Variants in EPHB1 observed in about 807,000 individuals in gnomAD.
EPHB1 encodes the protein EPH receptor B1.
Under a neutral mutation model 94.4 loss-of-function variants are expected in EPHB1, and 30 were observed. The ratio of observed to expected loss-of-function variants is 0.32; its 90% CI spans 0.24 to 0.43. The LOEUF is 0.43. EPHB1 is among the 20% of genes least tolerant of loss of function. The probability of loss-of-function intolerance (pLI) is 1.00; values close to 1 mark genes in which losing one functional copy is unlikely to be tolerated. For synonymous variants in EPHB1, 522 were observed against 489.1 expected (o/e 1.07, Z -0.89); for missense variants, 1,055 against 1,308.3 (o/e 0.81, Z 2.99).
intron 3 of EPHB1, among the ~76,000 whole-genome samples, chr3:134,991,057 C>T (rs1286473382): frequency 6.6e-6 from 1 of 151,980 alleles, no homozygotes; most frequent in Admixed American, 6.6e-5. Flanking sequence ...TGCTATATTT[C>T]TTTCTTGTTT....
chr3:135,202,858 A>C lies in EPHB1; in HGVS notation c.2346+1169A>C, dbSNP rs549657156. Among the ~76,000 whole-genome samples the C allele has an allele frequency of 9.8e-5, 15 of 152,320 alleles. 1 individual carries two copies. The highest frequency in any genetic ancestry group is 9.8e-4 in the Admixed American group (15 of 15,306). On this transcript the variant is annotated intron_variant, in intron 12 of 15. Coordinates refer to ENST00000398015, the MANE Select transcript of EPHB1 (RefSeq NM_004441.5). The stretch of plus-strand genomic sequence containing the variant: ...ACCAGAAATACCATTTGACCGAGCA[A>C]TCCTTTACTGGGTATATACCCAAAG...
chr3:134,908,797 C>T (rs781097060), intron 1 of EPHB1, among the ~76,000 whole-genome samples: 3 of 152,062 alleles, frequency 2.0e-5, no homozygotes, highest in Non-Finnish European at 2.9e-5. Context: ...AGGGCACCTA[C>T]AGCATGGAAG....
At chr3:135,224,981 C>G (rs1166820519) in intron 12 of EPHB1, among the ~76,000 whole-genome samples, 1 of 152,204 alleles carries the variant, frequency 6.6e-6, no homozygotes, top group Non-Finnish European at 1.5e-5. Context: ...TATTCCATCA[C>G]TCTCTGCTCT....
At chr3:134,969,513 C>A (rs567405457) in intron 3 of EPHB1, among the ~76,000 whole-genome samples, 2 of 152,138 alleles carry the variant, frequency 1.3e-5, no homozygotes, top group African/African-American at 4.8e-5. Context: ...TTCTTAGACA[C>A]GCTAGTTTCT....
At chr3:135,174,700 G>A (rs983871654) in intron 9 of EPHB1, among the ~76,000 whole-genome samples, 6 of 152,206 alleles carry the variant, frequency 3.9e-5, no homozygotes, top group African/African-American at 1.4e-4. Flanking sequence ...TGAGGCAGAA[G>A]ATTGGATGAA....
At chr3:135,248,602 T>C (rs1447402891) in intron 14 of EPHB1, 93 bp downstream of exon 14, 3 of 1,331,612 alleles carry the variant, frequency 2.3e-6, no homozygotes, top group Non-Finnish European at 3.0e-6. Flanking sequence ...GTTCGAATTT[T>C]TTAAAGAGTA....
chr3:134,857,542 G>A (rs2037149658), intron 1 of EPHB1, among the ~76,000 whole-genome samples: 1 of 152,164 alleles, frequency 6.6e-6, no homozygotes, highest in Non-Finnish European at 1.5e-5. Context: ...AGTTTGGCAT[G>A]TGCCTCTGAG....
In EPHB1 at chr3:134,951,515, C is replaced by T. The variant is rs369940994; in HGVS notation, c.268C>T (p.Arg90Cys). 30 of 1,613,630 alleles carry T rather than the reference C, an allele frequency of 1.9e-5. No individual in the cohort carries two copies. The highest frequency in any genetic ancestry group is 4.5e-5 in the East Asian group (2 of 44,860). ...GGCCCATCGCATCTACACAGAGATG[C>T]GCTTCACTGTGAGAGACTGCAGCAG... ...RGAHRIYTEM[R>C]FTVRDCSSLP... The change falls in exon 3 of 16, where the codon CGC becomes TGC. Residue 90 changes from arginine (R) to cysteine (C), a missense_variant. Arg to Cys is a radical substitution (Grantham distance 180, BLOSUM62 -3). Transcript: ENST00000398015. This position sits in a 1 kb window ranked among gnomAD's most constrained non-coding sequence, Gnocchi z 4.5.
At chr3:135,180,246 A>G (rs1396632346) in intron 10 of EPHB1, among the ~76,000 whole-genome samples, 1 of 152,230 alleles carries the variant, frequency 6.6e-6, no homozygotes, top group Admixed American at 6.5e-5. Flanking sequence ...ATAGATTCAG[A>G]AATAACTCTG....
intron 1 of EPHB1, among the ~76,000 whole-genome samples, chr3:134,875,743 T>G (rs374844575): frequency 6.6e-6 from 1 of 152,204 alleles, no homozygotes; most frequent in East Asian, 1.9e-4. Context: ...TTTATTCCAT[T>G]TCTCAAGTAC....
At chr3:134,912,609 G>A (rs1165609515) in intron 1 of EPHB1, among the ~76,000 whole-genome samples, 2 of 152,194 alleles carry the variant, frequency 1.3e-5, no homozygotes, top group Admixed American at 6.5e-5. Flanking sequence ...TCAGGAGAAG[G>A]TGAGCCTTGG....
At chr3:134,921,873 T>C (rs962567655) in intron 1 of EPHB1, among the ~76,000 whole-genome samples, 1 of 151,996 alleles carries the variant, frequency 6.6e-6, no homozygotes, top group African/African-American at 2.4e-5. Flanking sequence ...GAGAGAGAGA[T>C]GGAGAGAGAC....
At position 135,187,384 on chromosome 3, in the gene EPHB1, G is replaced by A. The variant is rs527349189; in HGVS notation, c.1883-5192G>A. 3.9e-5 allele frequency among the ~76,000 whole-genome samples: 6 copies of A among 152,216 alleles called. No individual in the cohort carries two copies. The East Asian group carries it at 5.8e-4, about 15-fold the overall frequency. On this transcript the variant is annotated intron_variant, in intron 10 of 15. Transcript: ENST00000398015. ...ATGAATTTTTATTAAAAATGAAAAC[G>A]TTATGGCCATGATTTGGAGCTCAAG...
chr3:134,992,849 T>C (rs971628396), intron 3 of EPHB1, among the ~76,000 whole-genome samples: 6 of 152,208 alleles, frequency 3.9e-5, no homozygotes, highest in Non-Finnish European at 8.8e-5. Context: ...TTTGCTTCCC[T>C]GGGTGCTTGA....
chr3:135,168,486 G>C (rs951209428), intron 9 of EPHB1, among the ~76,000 whole-genome samples: 5 of 152,202 alleles, frequency 3.3e-5, no homozygotes, highest in African/African-American at 9.6e-5. Flanking sequence ...TGTGTGCCTT[G>C]CTGCATAATC....
intron 3 of EPHB1, among the ~76,000 whole-genome samples, chr3:134,995,177 C>G (rs1260854496): frequency 6.6e-6 from 1 of 152,144 alleles, no homozygotes; most frequent in African/African-American, 2.4e-5. Flanking sequence ...TCAATGTGTT[C>G]TTGATCTCTA....
intron 12 of EPHB1, among the ~76,000 whole-genome samples, chr3:135,210,166 G>C (rs1942999902): frequency 6.6e-6 from 1 of 152,186 alleles, no homozygotes; most frequent in African/African-American, 2.4e-5. Flanking sequence ...TTGAGTATCA[G>C]ATTTACCTGG....
chr3:135,060,070 G>T (rs1937451222), intron 3 of EPHB1, among the ~76,000 whole-genome samples: 1 of 152,208 alleles, frequency 6.6e-6, no homozygotes, highest in Admixed American at 6.5e-5. Flanking sequence ...AATTCACTCT[G>T]TAAATTGCTT....
intron 3 of EPHB1, among the ~76,000 whole-genome samples, chr3:135,058,370 C>T (rs543528760): frequency 6.6e-6 from 1 of 152,322 alleles, no homozygotes; most frequent in African/African-American, 2.4e-5. Flanking sequence ...TCTCCTGTCC[C>T]TTCCCTGCTA....
Sources: gnomAD v4.1 joint callset for allele counts (sites outside exome capture counted in the v4.1 genomes callset) on GRCh38, gnomAD v4.1.1 for gene constraint, Gnocchi (gnomAD v3.1) non-coding constraint, MANE v1.5 for transcripts, NCBI Gene and HGNC (gene_info 2026-07-23, HGNC 2026-07-21) for gene names.